Variants in BTBD7 observed in about 807,000 individuals in gnomAD.
BTBD7 encodes the protein BTB/POZ domain-containing protein 7.
Under a neutral mutation model 99.9 loss-of-function variants are expected in BTBD7, and 38 were observed. The ratio of observed to expected loss-of-function variants is 0.38; its 90% CI spans 0.29 to 0.50. The LOEUF (loss-of-function observed/expected upper bound fraction) is 0.50. Ranked by LOEUF, BTBD7 falls within the 20% of genes least tolerant of loss-of-function variation. The pLI is 0.93. For missense variants in BTBD7, 1,170 were observed against 1,394.6 expected (o/e 0.84, Z 2.57); for synonymous variants, 520 against 511.4 (o/e 1.02, Z -0.23).
rs1338396293 is a variant in BTBD7, at chr14:93,243,108, T to C, written c.2584-20A>G. 1.9e-6 allele frequency: 3 copies of C among 1,593,470 alleles called. No individual in the cohort carries two copies. The highest frequency in any genetic ancestry group is 2.6e-6 in the Non-Finnish European group (3 of 1,166,100). On this transcript the variant is annotated intron_variant, in intron 10 of 10. Transcript: ENST00000334746. The stretch of plus-strand genomic sequence containing the variant: ...TGTTCGCTGCAGACAGAGACAAAAA[T>C]GGTGGGAGGGTTAAAAAAAGGACCC...
intron 1 of BTBD7, among the ~76,000 whole-genome samples, chr14:93,324,425 A>AAAAAAATAAAAAG (rs757575875): frequency 6.6e-6 from 1 of 151,526 alleles, no homozygotes. Flanking sequence ...CTGTCTCAAA[A>AAAAAAATAAAAAG]AAAAAAAAAA....
chr14:93,298,356 G>T (rs537485996), intron 1 of BTBD7, among the ~76,000 whole-genome samples: 1 of 152,264 alleles, frequency 6.6e-6, no homozygotes, highest in South Asian at 2.1e-4. Flanking sequence ...AATACTTTTT[G>T]AGTGCTGACA....
chr14:93,278,224 C>A (rs1245875214), intron 3 of BTBD7, among the ~76,000 whole-genome samples: 1 of 151,230 alleles, frequency 6.6e-6, no homozygotes, highest in Admixed American at 6.6e-5. Flanking sequence ...ACCAGCCTGG[C>A]CAACATGGTG....
At chr14:93,274,722 G>C (rs188641828) in intron 3 of BTBD7, among the ~76,000 whole-genome samples, 10 of 152,284 alleles carry the variant, frequency 6.6e-5, no homozygotes, top group Admixed American at 6.5e-4. Context: ...TTGCTTGCAA[G>C]TCCTTATACG....
In BTBD7 at chr14:93,242,415, C is replaced by T. The variant is rs2052242126; in HGVS notation, c.3257G>A (p.Arg1086Lys). ...ACTGTCTGCCAGTCTTCTACCGGAT[C>T]TCTCTTCGGGAGCTTCAGAGCTACA... ...SACSSEAPEE[R>K]SGRRLADSES... Residue 1086 changes from arginine to lysine, a missense_variant, in exon 11 of 11, where the codon AGA becomes AAA. Physicochemically the swap from Arg to Lys is conservative, Grantham distance 26. This residue lies in a region of BTBD7 where 495 missense variants were observed against 525.9 expected (regional missense o/e 0.94). Coordinates refer to ENST00000334746, the MANE Select transcript of BTBD7 (RefSeq NM_001002860.4). The T allele has an allele frequency of 6.2e-7, 1 of 1,614,242 alleles. No homozygotes were observed. The highest frequency in any genetic ancestry group is 8.5e-7 in the Non-Finnish European group (1 of 1,180,044).
In BTBD7 at chr14:93,245,920, T is replaced by A. The variant is rs777239659; in HGVS notation, c.2488A>T (p.Thr830Ser). ...VKAAPPDCTS[T>S]AGLGRQTVAA... ...ACCGTCTGTCTGCCCAGTCCTGCAG[T>A]GCTGGTACAATCAGGCGGTGCAGCT... Residue 830 changes from threonine (T) to serine (S), a missense_variant, in exon 10 of 11, where the codon ACT becomes TCT. By Grantham distance (58) the Thr-to-Ser change is moderately conservative. Transcript: ENST00000334746. 3 of 1,614,044 alleles carry A rather than the reference T, an allele frequency of 1.9e-6. No individual in the cohort carries two copies. The highest frequency in any genetic ancestry group is 1.3e-5 in the African/African-American group (1 of 74,924).
chr14:93,310,764 A>C (rs1446477193), intron 1 of BTBD7, among the ~76,000 whole-genome samples: 1 of 148,024 alleles, frequency 6.8e-6, no homozygotes, highest in Non-Finnish European at 1.5e-5. Flanking sequence ...CAAAAAAACC[A>C]AAAAACTTTT....
At position 93,294,893 on chromosome 14, in the gene BTBD7, A is replaced by G; in HGVS notation, c.127T>C (p.Leu43=). 1.2e-6 allele frequency: 2 copies of G among 1,606,570 alleles called. No homozygotes were observed. The highest frequency in any genetic ancestry group is 1.7e-6 in the Non-Finnish European group (2 of 1,178,272). ...SQQGYGCESK[L]YSLDHGHEKP... ...TCATGGCCATGGTCAAGGCTATACA[A>G]CTTTGATTCGCAACCATAGCCTTGC... is the stretch of plus-strand genomic sequence containing the variant. Residue 43 remains leucine (L), a synonymous_variant, in exon 3 of 11, where the codon TTG becomes CTG. Transcript: ENST00000334746.
At chr14:93,255,047 T>A (rs970860530) in intron 6 of BTBD7, among the ~76,000 whole-genome samples, 9 of 152,224 alleles carry the variant, frequency 5.9e-5, no homozygotes. Flanking sequence ...TACTTTTAAC[T>A]AGTAAAATAC....
In BTBD7 at chr14:93,246,142, G is replaced by T. The variant is rs1358744792; in HGVS notation, c.2266C>A (p.Pro756Thr). The change falls in exon 10 of 11, where the codon CCA becomes ACA. Residue 756 changes from proline to threonine, a missense_variant. By Grantham distance (38) the Pro-to-Thr change is conservative. Transcript: ENST00000334746. ...TDLDSFVAFH[P>T]PLPPPPPPYH... ...GGAGGTGGTGGAGGGGGCAAGGGTG[G>T]ATGGAAGGCCACAAAAGAGTCCAGA... 1 of 1,613,914 alleles carries T rather than the reference G, an allele frequency of 6.2e-7. No individual in the cohort carries two copies. The highest frequency in any genetic ancestry group is 8.5e-7 in the Non-Finnish European group (1 of 1,179,972).
At chr14:93,308,772 A>G (rs1032520932) in intron 1 of BTBD7, among the ~76,000 whole-genome samples, 4 of 152,248 alleles carry the variant, frequency 2.6e-5, no homozygotes, top group Admixed American at 2.6e-4. Flanking sequence ...TATGGATTCC[A>G]CTTATATGAA....
At chr14:93,282,146 A>G (rs2052727418) in intron 3 of BTBD7, among the ~76,000 whole-genome samples, 1 of 152,198 alleles carries the variant, frequency 6.6e-6, no homozygotes, top group Non-Finnish European at 1.5e-5. Context: ...ATAAAGATTA[A>G]GTGAGGTATT....
chr14:93,239,410 C>A lies in BTBD7; in HGVS notation c.*2863G>T, dbSNP rs2052195010. 3 of 151,228 alleles carry A rather than the reference C, an allele frequency of 2.0e-5. No individual in the cohort carries two copies. Among genetic ancestry groups the A allele is most frequent in the Non-Finnish European group, 2.9e-5 (2 of 67,862 alleles). The allele number at this position is 151,228 out of a possible 1,614,324, so 9.4% of individuals were successfully genotyped here. On this transcript the variant is annotated 3_prime_UTR_variant, in exon 11 of 11. Coordinates refer to ENST00000334746, the MANE Select transcript of BTBD7 (RefSeq NM_001002860.4). ...TAAATTCCTATACCAAGTAAAATGCCAGTTCCCATGGCCTAAATTTTATTT... is the reference window on the plus strand; with the variant it reads ...TAAATTCCTATACCAAGTAAAATGCAAGTTCCCATGGCCTAAATTTTATTT...
rs1239224805 is a variant in BTBD7 at position 93,253,794 on chromosome 14, A to C, written c.1609-4T>G. The C allele has an allele frequency of 6.4e-7, 1 of 1,558,098 alleles. No individual in the cohort carries two copies. The highest frequency in any genetic ancestry group is 8.7e-7 in the Non-Finnish European group (1 of 1,150,280). The stretch of plus-strand genomic sequence containing the variant: ...TACTAATCAAGCCTCTTTTCATCTA[A>C]AAAAAAATTTTTTTTTTAGATAGAA... On this transcript the variant is annotated splice_polypyrimidine_tract_variant and splice_region_variant and intron_variant, in intron 6 of 10. Transcript: ENST00000334746.
chr14:93,318,169 A>G (rs907898392), intron 1 of BTBD7, among the ~76,000 whole-genome samples: 2 of 152,022 alleles, frequency 1.3e-5, no homozygotes, highest in Non-Finnish European at 2.9e-5. Context: ...GATATGATAA[A>G]ATGTCTTTCT....
Position 93,249,266 on chromosome 14 carries a change from C to CAAAAAAAA in BTBD7, c.1943-620_1943-613dup, listed in dbSNP as rs56893984. ...GAAGAATGAAAGGAAACCAGATAGG[C>CAAAAAAAA]AAAAAAAAAAAAAAAAAAAAAAAAA... On this transcript the variant is annotated intron_variant, in intron 8 of 10. Transcript: ENST00000334746. 1.2e-3 allele frequency among the ~76,000 whole-genome samples: 30 copies of CAAAAAAAA among 25,954 alleles called. 1 individual carries two copies. The highest frequency in any genetic ancestry group is 1.3e-3 in the African/African-American group (10 of 7,486). The allele number at this position is 25,954 out of a possible 152,430, so 17.0% of individuals were successfully genotyped here. A position where few individuals can be genotyped will look rare whatever the true frequency, so the allele number is the denominator to read the frequency against.
intron 3 of BTBD7, among the ~76,000 whole-genome samples, chr14:93,273,137 C>T (rs1470670010): frequency 6.6e-6 from 1 of 152,150 alleles, no homozygotes; most frequent in Non-Finnish European, 1.5e-5. Flanking sequence ...CCCATTCCTA[C>T]TGGTAGGAGA....
chr14:93,288,459 T>C (rs2052807033), intron 3 of BTBD7: 1 of 707,474 alleles, frequency 1.4e-6, no homozygotes, highest in Non-Finnish European at 2.6e-6. Context: ...ATCCTGCTTA[T>C]GTCTCACTGA....
At chr14:93,314,104 A>T (rs2053172673) in intron 1 of BTBD7, among the ~76,000 whole-genome samples, 1 of 152,080 alleles carries the variant, frequency 6.6e-6, no homozygotes, top group Non-Finnish European at 1.5e-5. Flanking sequence ...TTCTTAAATA[A>T]AATATCTGCT....
Sources: allele counts gnomAD v4.1 joint callset (sites outside exome capture counted in the v4.1 genomes callset), GRCh38; gene constraint gnomAD v4.1.1; regional missense constraint gnomAD v4.1.1; transcripts MANE v1.5; gene names NCBI Gene and HGNC (gene_info 2026-07-23, HGNC 2026-07-21).